The following UQCC1 variants were observed in gnomAD, a reference collection of about 807,000 sequenced individuals.
The protein encoded by UQCC1 is ubiquinol-cytochrome c reductase complex assembly factor 1, also known as bFGF-repressed Zic-binding protein.
A neutral mutation model predicts 48.0 loss-of-function variants in UQCC1; 38 were observed. The ratio of observed to expected loss-of-function variants is 0.79; its 90% CI spans 0.61 to 1.04. UQCC1 has a LOEUF of 1.04. Ranked by LOEUF, UQCC1 falls within the 50% of genes least tolerant of loss-of-function variation. The probability of loss-of-function intolerance (pLI) is 0.00; values close to 1 mark genes in which losing one functional copy is unlikely to be tolerated. For synonymous variants in UQCC1, 111 were observed against 129.2 expected (o/e 0.86, Z 0.95); for missense variants, 368 against 381.8 (o/e 0.96, Z 0.30).
At chr20:35,306,334 T>C (rs960536981) in intron 9 of UQCC1, 26 of 272,978 alleles carry the variant, frequency 9.5e-5, no homozygotes, top group African/African-American at 4.6e-4. Flanking sequence ...CACGTGCTCA[T>C]ATCTGCCAGG....
chr20:35,312,710 G>A (rs780347422), intron 8 of UQCC1, among the ~76,000 whole-genome samples: 2 of 152,170 alleles, frequency 1.3e-5, no homozygotes, highest in East Asian at 1.9e-4. Context: ...CTTTCTACAT[G>A]CTTGAAATCT....
At chr20:35,325,885 CAAA>C (rs1220752403) in intron 7 of UQCC1, among the ~76,000 whole-genome samples, 1 of 149,306 alleles carries the variant, frequency 6.7e-6, no homozygotes, top group Non-Finnish European at 1.5e-5. Flanking sequence ...ACAAAAAAAA[CAAA>C]AAAACACAGA....
intron 7 of UQCC1, chr20:35,346,387 C>T (rs112464677): frequency 2.1e-3 from 326 of 158,006 alleles, no homozygotes; most frequent in Non-Finnish European, 2.3e-3. Flanking sequence ...TGAAGGTCTG[C>T]GGCTTCATTC....
At chr20:35,372,570 A>C (rs2061746049) in intron 5 of UQCC1, among the ~76,000 whole-genome samples, 1 of 152,218 alleles carries the variant, frequency 6.6e-6, no homozygotes, top group Non-Finnish European at 1.5e-5. Context: ...GATTTTTAAA[A>C]ACCAAAATAG....
At chr20:35,335,184 C>T (rs2061302345) in intron 7 of UQCC1, among the ~76,000 whole-genome samples, 1 of 152,004 alleles carries the variant, frequency 6.6e-6, no homozygotes, top group South Asian at 2.1e-4. Context: ...TGATAAAAGA[C>T]ACAATATCTG....
At chr20:35,403,443 T>C (rs563210401) in intron 1 of UQCC1, among the ~76,000 whole-genome samples, 1 of 152,260 alleles carries the variant, frequency 6.6e-6, no homozygotes, top group African/African-American at 2.4e-5. Flanking sequence ...GGTTTCTAAA[T>C]AGCAACAACC....
intron 4 of UQCC1, among the ~76,000 whole-genome samples, chr20:35,375,614 G>T (rs1469206612): frequency 2.0e-5 from 3 of 152,056 alleles, no homozygotes; most frequent in Non-Finnish European, 4.4e-5. Flanking sequence ...ATATAGTAAA[G>T]ATCAGAAATC....
At chr20:35,393,327 A>G (rs940911034) in intron 2 of UQCC1, among the ~76,000 whole-genome samples, 51 of 152,304 alleles carry the variant, frequency 3.3e-4, no homozygotes, top group African/African-American at 1.2e-3. Context: ...CTAAGTAAAT[A>G]AAATATTATA....
intron 8 of UQCC1, among the ~76,000 whole-genome samples, chr20:35,314,244 G>A (rs755216023): frequency 1.1e-4 from 16 of 151,436 alleles, no homozygotes; most frequent in South Asian, 2.1e-4. Flanking sequence ...GAGCCACTGC[G>A]CCCAGCCAGT....
chr20:35,409,455 A>T (rs1241750071), intron 1 of UQCC1: 1 of 176,162 alleles, frequency 5.7e-6, no homozygotes, highest in Non-Finnish European at 1.2e-5. Flanking sequence ...GCGCAACAAG[A>T]GCAAAACTCC....
intron 2 of UQCC1, chr20:35,384,566 CAGA>C (rs1327454652): frequency 2.3e-6 from 1 of 433,844 alleles, no homozygotes; most frequent in African/African-American, 2.1e-5. Context: ...CACTTGAGCC[CAGA>C]AGATCGAGGC....
chr20:35,341,269 T>C (rs976780508), intron 7 of UQCC1, among the ~76,000 whole-genome samples: 4 of 148,692 alleles, frequency 2.7e-5, no homozygotes, highest in Non-Finnish European at 6.0e-5. Flanking sequence ...ATAAACATAA[T>C]ATACCCTATG....
intron 6 of UQCC1, among the ~76,000 whole-genome samples, chr20:35,352,676 C>T (rs2061502392): frequency 7.9e-6 from 1 of 127,254 alleles, no homozygotes; most frequent in African/African-American, 2.6e-5. Context: ...GTGTTTGAGT[C>T]ACAGTTTGGT....
chr20:35,333,160 C>T (rs1263128363), intron 7 of UQCC1, among the ~76,000 whole-genome samples: 1 of 151,956 alleles, frequency 6.6e-6, no homozygotes, highest in Non-Finnish European at 1.5e-5. Context: ...CAGCTCTGGG[C>T]TTGTGACTTA....
chr20:35,332,363 G>A (rs985553508), intron 7 of UQCC1, among the ~76,000 whole-genome samples: 2 of 152,346 alleles, frequency 1.3e-5, no homozygotes, highest in East Asian at 3.9e-4. Flanking sequence ...TGCTCCTTTG[G>A]TAAGTACTGA....
chr20:35,376,822 G>T (rs1380061779), intron 4 of UQCC1, among the ~76,000 whole-genome samples: 1 of 152,024 alleles, frequency 6.6e-6, no homozygotes, highest in Non-Finnish European at 1.5e-5. Context: ...AATTAGCTGG[G>T]TGTGGTGGTA....
intron 7 of UQCC1, among the ~76,000 whole-genome samples, chr20:35,319,006 G>A (rs965210447): frequency 1.2e-4 from 19 of 152,150 alleles, no homozygotes; most frequent in African/African-American, 3.6e-4. Flanking sequence ...GTGTTGGGCC[G>A]TTCTCTTATT....
At chr20:35,324,541 T>C (rs930471470) in intron 7 of UQCC1, among the ~76,000 whole-genome samples, 14 of 152,182 alleles carry the variant, frequency 9.2e-5, no homozygotes, top group African/African-American at 2.9e-4. Context: ...TTAGCCAGGA[T>C]GGTCTCGATC....
Position 35,304,026 on chromosome 20 carries a change from G to A in UQCC1, c.809C>T (p.Thr270Ile). The change falls in exon 10 of 10, where the codon ACA (threonine) becomes ATA (isoleucine). Residue 270 changes from threonine to isoleucine, a missense_variant. Thr to Ile is a moderately conservative substitution (Grantham distance 89). Transcript: ENST00000374385. ...DSMNGEDLLL[T>I]GEVSWRPLVE... ...TAGAGGGCGCCAGCTCACCTCCCCT[G>A]TCAGAAGCAGATCCTCCCCGTTCAT... The A allele has an allele frequency of 1.2e-6, 2 of 1,614,108 alleles. No homozygotes were observed. The highest frequency in any genetic ancestry group is 2.2e-5 in the South Asian group (2 of 91,088).
Sources: gnomAD v4.1 joint callset for allele counts (sites outside exome capture counted in the v4.1 genomes callset) on GRCh38, gnomAD v4.1.1 for gene constraint, MANE v1.5 for transcripts, NCBI Gene and HGNC (gene_info 2026-07-23, HGNC 2026-07-21) for gene names.